HPS1: variants seen among roughly 807,000 people sequenced by gnomAD.
The protein encoded by HPS1 is HPS1 biogenesis of lysosomal organelles complex 3 subunit 1.
HPS1 carries 59 observed loss-of-function variants against 90.6 expected under a neutral mutation model. The observed-to-expected ratio is 0.65, with a 90% CI of 0.53 to 0.81. The LOEUF is 0.81. HPS1 is among the 30% of genes least tolerant of loss of function. The probability of loss-of-function intolerance (pLI) is 0.00; values close to 1 mark genes in which losing one functional copy is unlikely to be tolerated. For synonymous variants in HPS1, 388 were observed against 384.4 expected (o/e 1.01, Z -0.11); for missense variants, 849 against 896.7 (o/e 0.95, Z 0.68).
intron 6 of HPS1, among the ~76,000 whole-genome samples, chr10:98,432,142 G>A (rs1412719038): frequency 1.3e-5 from 2 of 152,224 alleles, no homozygotes; most frequent in African/African-American, 4.8e-5. Flanking sequence ...GGCATAAGAT[G>A]AAGCTAGAGT....
intron 2 of HPS1, among the ~76,000 whole-genome samples, chr10:98,444,965 G>T (rs1939220262): frequency 6.6e-6 from 1 of 152,212 alleles, no homozygotes; most frequent in Non-Finnish European, 1.5e-5. Context: ...GAGCGGAGAA[G>T]TGACCGGCTG....
rs1459461211 is a variant in HPS1, at chr10:98,417,392, C to G, written c.*172G>C. ...GAAGGATCTGGGGCCTTGCTCAGTA[C>G]CTGACATGGAGGGTGGTCTAGGTGG... On this transcript the variant is annotated 3_prime_UTR_variant, in exon 20 of 20. Coordinates refer to ENST00000361490, the MANE Select transcript of HPS1 (RefSeq NM_000195.5). This position sits in a 1 kb window ranked among gnomAD's most constrained non-coding sequence, Gnocchi z 4.2. 1 of 594,494 alleles carries G rather than the reference C, an allele frequency of 1.7e-6. No individual in the cohort carries two copies. Among genetic ancestry groups the G allele is most frequent in the South Asian group, 2.1e-5 (1 of 48,474 alleles). 36.8% of individuals were successfully genotyped at this position (594,494 alleles called of 1,614,324 possible).
At chr10:98,425,372 G>C (rs1845459819) in intron 13 of HPS1, among the ~76,000 whole-genome samples, 169 bp downstream of exon 13, 1 of 152,244 alleles carries the variant, frequency 6.6e-6, no homozygotes, top group South Asian at 2.1e-4. Context: ...AAGCAGCTAA[G>C]TTTTCAATAT....
At chr10:98,415,249 C>T, downstream of HPS1, 1 of 1,322,054 alleles carries the variant, frequency 7.6e-7, no homozygotes, top group Non-Finnish European at 1.0e-6. Flanking sequence ...AGCTGCAGTC[C>T]CCCTCCAGGC....
Position 98,429,851 on chromosome 10 carries a change from G to A in HPS1, c.807C>T (p.Pro269=), listed in dbSNP as rs773718281. ...AGTGAGGGCTCCAGGCCTGCTGCACGGGGATGTTCTGGCTGCTCCGGGCCC... is the reference window on the plus strand; with the variant it reads ...AGTGAGGGCTCCAGGCCTGCTGCACAGGGATGTTCTGGCTGCTCCGGGCCC... ...PRRARSSQNI[P]VQQAWSPHST... The change falls in exon 9 of 20, where the codon CCC becomes CCT. Residue 269 remains proline, a synonymous_variant. Transcript: ENST00000361490. 19 of 1,613,318 alleles carry A rather than the reference G, an allele frequency of 1.2e-5. No homozygotes were observed. Among genetic ancestry groups the A allele is most frequent in the South Asian group, 3.3e-5 (3 of 91,092 alleles).
chr10:98,414,955 G>A (rs1843949953), downstream of HPS1: 5 of 1,586,692 alleles, frequency 3.2e-6, no homozygotes, highest in Non-Finnish European at 4.3e-6. Context: ...CAAGCTCTGA[G>A]CAGGGCTGTC....
intron 11 of HPS1, 98 bp downstream of exon 11, chr10:98,427,117 G>T: frequency 8.8e-6 from 9 of 1,018,686 alleles, no homozygotes; most frequent in Non-Finnish European, 1.0e-5. Flanking sequence ...GGGCTGGCAC[G>T]GGTAGAGTCA....
chr10:98,441,915 T>C (rs1007091673), intron 3 of HPS1, among the ~76,000 whole-genome samples: 5 of 152,210 alleles, frequency 3.3e-5, no homozygotes, highest in African/African-American at 1.2e-4. Context: ...TTGGAAAAGT[T>C]TGGCAGTTTA....
chr10:98,414,814 A>C, downstream of HPS1: 1 of 728,786 alleles, frequency 1.4e-6, no homozygotes, highest in Non-Finnish European at 2.1e-6. Context: ...CAGAGCCAGC[A>C]CCGGAATCCC....
intron 3 of HPS1, among the ~76,000 whole-genome samples, chr10:98,439,357 G>A (rs560900610): frequency 6.6e-6 from 1 of 152,310 alleles, no homozygotes; most frequent in South Asian, 2.1e-4. Flanking sequence ...AAACAGCTGG[G>A]AAGAGGACTG....
chr10:98,424,706 G>A (rs566781528), intron 13 of HPS1, among the ~76,000 whole-genome samples: 3 of 152,308 alleles, frequency 2.0e-5, no homozygotes, highest in East Asian at 3.9e-4. Flanking sequence ...GGTGTGCGGA[G>A]GAGGTGCTGC....
At chr10:98,430,790 G>A (rs555584516) in intron 7 of HPS1, 120 bp from the exon 8 acceptor site, 2 of 790,574 alleles carry the variant, frequency 2.5e-6, no homozygotes, top group Non-Finnish European at 4.3e-6. Flanking sequence ...TCTGGAGATG[G>A]GCAAGGCACA....
intron 19 of HPS1, 47 bp downstream of exon 19, chr10:98,418,128 A>T (rs1844349094): frequency 7.8e-7 from 1 of 1,286,344 alleles, no homozygotes; most frequent in Middle Eastern, 1.9e-4. Flanking sequence ...AGCACTTATC[A>T]CCCAAATGGG....
chr10:98,423,133 T>C (rs1006043476), intron 16 of HPS1, among the ~76,000 whole-genome samples: 8 of 152,166 alleles, frequency 5.3e-5, no homozygotes, highest in Non-Finnish European at 1.0e-4. Flanking sequence ...TAGTGTTCCA[T>C]AATAAAAGGG....
In HPS1 at chr10:98,431,279, G is replaced by C. The variant is rs754389654; in HGVS notation, c.520C>G (p.Leu174Val). The C allele has an allele frequency of 4.3e-6, 7 of 1,613,758 alleles. No homozygotes were observed. The highest frequency in any genetic ancestry group is 5.9e-6 in the Non-Finnish European group (7 of 1,180,020). ...AGCTCACAGAGCTGGGGGTGAATCA[G>C]TCGCTCCAGGGCCTAGCCAGGGCAG... ...QCFAVEALER[L>V]IHPQLCELCI... is the part of the protein sequence containing the mutation. The change falls in exon 7 of 20, where the codon CTG becomes GTG. Residue 174 changes from leucine (L) to valine (V), a missense_variant. By Grantham distance (32) the Leu-to-Val change is conservative. Coordinates refer to ENST00000361490, the MANE Select transcript of HPS1 (RefSeq NM_000195.5).
In HPS1 at chr10:98,435,690, T is replaced by C. The variant is rs1480085485; in HGVS notation, c.200A>G (p.Asp67Gly). 6.2e-7 allele frequency: 1 copy of C among 1,614,080 alleles called. No individual in the cohort carries two copies. The highest frequency in any genetic ancestry group is 8.5e-7 in the Non-Finnish European group (1 of 1,180,004). The change falls in exon 4 of 20, where the codon GAC becomes GGC. Residue 67 changes from aspartate (D) to glycine (G), a missense_variant. Asp to Gly is a moderately conservative substitution (Grantham distance 94, BLOSUM62 -1). Coordinates refer to ENST00000361490, the MANE Select transcript of HPS1 (RefSeq NM_000195.5). This position sits in a 1 kb window ranked among gnomAD's most constrained non-coding sequence, Gnocchi z 4.3. ...TTCCGTGGAGAAGCAGGTGTAGGTG[T>C]CCGAGAGCTTCTCCAGCATCGTCAT... ...SSMTMLEKLSDTYTCFSTENG... is the reference protein window; with the variant it reads ...SSMTMLEKLSGTYTCFSTENG...
Position 98,435,611 on chromosome 10 carries a change from T to A in HPS1, c.255+24A>T. 6.2e-7 allele frequency: 1 copy of A among 1,613,878 alleles called. No individual in the cohort carries two copies. The highest frequency in any genetic ancestry group is 8.5e-7 in the Non-Finnish European group (1 of 1,179,896). ...CCATCAAGCTGAGGGAAGAGGAACA[T>A]GGGCCCCAGAGCTATAGACTCACCA... On this transcript the variant is annotated intron_variant, in intron 4 of 19. Coordinates refer to ENST00000361490, the MANE Select transcript of HPS1 (RefSeq NM_000195.5). The surrounding 1 kb of genome is among the most constrained non-coding windows in gnomAD (Gnocchi z 4.3).
chr10:98,417,364 A>G lies in HPS1; in HGVS notation c.*200T>C, dbSNP rs1462411441. Reference sequence around the variant, plus strand: ...CCCCTGGGCTTCCCTCTTCCTCCAGAGAGAAGGATCTGGGGCCTTGCTCAG... The same window carrying G: ...CCCCTGGGCTTCCCTCTTCCTCCAGGGAGAAGGATCTGGGGCCTTGCTCAG... On this transcript the variant is annotated 3_prime_UTR_variant, in exon 20 of 20. Coordinates refer to ENST00000361490, the MANE Select transcript of HPS1 (RefSeq NM_000195.5). This position sits in a 1 kb window ranked among gnomAD's most constrained non-coding sequence, Gnocchi z 4.2. The G allele has an allele frequency of 9.3e-6, 5 of 535,314 alleles. No individual in the cohort carries two copies. The highest frequency in any genetic ancestry group is 1.3e-5 in the Non-Finnish European group (4 of 303,248). The allele number at this position is 535,314 out of a possible 1,614,324, so 33.2% of individuals were successfully genotyped here.
chr10:98,442,471 T>C (rs559851666), intron 3 of HPS1: 1 of 158,380 alleles, frequency 6.3e-6, no homozygotes, highest in Non-Finnish European at 1.4e-5. Flanking sequence ...ATGTTAATCA[T>C]ACCTTAATAC....
Sources: allele counts gnomAD v4.1 joint callset (sites outside exome capture counted in the v4.1 genomes callset), GRCh38; gene constraint gnomAD v4.1.1; non-coding constraint Gnocchi (gnomAD v3.1); transcripts MANE v1.5; gene names NCBI Gene and HGNC (gene_info 2026-07-23, HGNC 2026-07-21).